Variants in P2RX7 observed in about 807,000 individuals in gnomAD.
P2RX7 encodes the protein purinergic receptor P2X 7, also known as P2X purinoceptor 7.
In P2RX7, 62 loss-of-function variants were observed where a neutral mutation model predicts 71.6. The ratio of observed to expected loss-of-function variants is 0.87; its 90% CI spans 0.71 to 1.07. P2RX7 has a LOEUF of 1.07. Among genes scored for constraint, P2RX7 ranks in the 50% least tolerant of loss-of-function variants. The pLI is 0.00. For synonymous variants in P2RX7, 299 were observed against 283.3 expected (o/e 1.06, Z -0.56); for missense variants, 686 against 748.5 (o/e 0.92, Z 0.97).
chr12:121,161,534 T>C (rs1338571800), intron 4 of P2RX7, among the ~76,000 whole-genome samples: 3 of 151,136 alleles, frequency 2.0e-5, no homozygotes, highest in Non-Finnish European at 4.4e-5. Context: ...GGCTGGTGCC[T>C]GTAATCCCAG....
chr12:121,162,889 G>A (rs1614313), intron 5 of P2RX7, among the ~76,000 whole-genome samples: 2,358 of 152,078 alleles, frequency 0.016, 24 homozygotes, highest in Non-Finnish European at 0.024. Context: ...TCAAGGATAG[G>A]AAGGAAGGAG....
intron 1 of P2RX7, among the ~76,000 whole-genome samples, chr12:121,153,930 G>T (rs1024727133): frequency 5.3e-5 from 8 of 151,960 alleles, no homozygotes; most frequent in Non-Finnish European, 2.9e-5. Context: ...GACCAGCCTG[G>T]GCAACATAAA....
At chr12:121,143,298 G>T (rs1390972823) in intron 1 of P2RX7, among the ~76,000 whole-genome samples, 4 of 152,010 alleles carry the variant, frequency 2.6e-5, no homozygotes, top group Admixed American at 6.6e-5. Context: ...GCAGGCCGAG[G>T]CAGGAGAATC....
chr12:121,170,683 A>G (rs1046928646), intron 8 of P2RX7, among the ~76,000 whole-genome samples: 3 of 152,160 alleles, frequency 2.0e-5, no homozygotes, highest in African/African-American at 7.2e-5. Context: ...TGAGGCAGGG[A>G]GAACTGCTTG....
intron 1 of P2RX7, among the ~76,000 whole-genome samples, chr12:121,141,390 G>A (rs931917715): frequency 1.4e-4 from 22 of 152,164 alleles, no homozygotes; most frequent in Non-Finnish European, 2.4e-4. Flanking sequence ...TCCCAGCCCC[G>A]CTGCATGGGT....
At chr12:121,145,106 C>A (rs897847860) in intron 1 of P2RX7, among the ~76,000 whole-genome samples, 7 of 152,150 alleles carry the variant, frequency 4.6e-5, no homozygotes, top group African/African-American at 1.7e-4. Flanking sequence ...GTGCAACCGA[C>A]CAGCAAGAGA....
At chr12:121,136,978 T>C (rs1592990133) in intron 1 of P2RX7, among the ~76,000 whole-genome samples, 1 of 152,176 alleles carries the variant, frequency 6.6e-6, no homozygotes, top group African/African-American at 2.4e-5. Flanking sequence ...TGTATAATAA[T>C]AAAATTTCTA....
At chr12:121,146,639 G>A (rs1185569532) in intron 1 of P2RX7, among the ~76,000 whole-genome samples, 2 of 152,168 alleles carry the variant, frequency 1.3e-5, no homozygotes, top group Non-Finnish European at 2.9e-5. Flanking sequence ...GCTGATAGAA[G>A]CATGAAATGG....
In P2RX7 at chr12:121,166,067, C is replaced by T. The variant is rs1880953270; in HGVS notation, c.624C>T (p.Ile208=). ...FPGHNYTTRN[I]LPGLNITCTF... ...TTTTAATTATGCACAGGAGAAACAT[C>T]CTGCCAGGTTTAAACATCACTTGTA... The change falls in exon 7 of 13, where the codon ATC becomes ATT. Residue 208 remains isoleucine (I), a synonymous_variant. Coordinates refer to ENST00000328963, the MANE Select transcript of P2RX7 (RefSeq NM_002562.6). The T allele has an allele frequency of 3.1e-6, 5 of 1,613,046 alleles. No homozygotes were observed. Among genetic ancestry groups the T allele is most frequent in the East Asian group, 2.2e-5 (1 of 44,870 alleles).
chr12:121,171,687 G>A (rs1882221319), intron 8 of P2RX7, among the ~76,000 whole-genome samples: 1 of 151,902 alleles, frequency 6.6e-6, no homozygotes, highest in South Asian at 2.1e-4. Context: ...TCTTGTTCAA[G>A]GCCCGATGTT....
At chr12:121,159,801 C>G (rs748943450) in intron 3 of P2RX7, among the ~76,000 whole-genome samples, 21 of 152,310 alleles carry the variant, frequency 1.4e-4, no homozygotes, top group Admixed American at 8.5e-4. Context: ...CAATGTCTCT[C>G]AGTTCCATGT....
chr12:121,137,345 A>G (rs1873919842), intron 1 of P2RX7, among the ~76,000 whole-genome samples: 1 of 152,168 alleles, frequency 6.6e-6, no homozygotes, highest in Non-Finnish European at 1.5e-5. Flanking sequence ...AAAAACAGCA[A>G]CTTGTTCTAG....
chr12:121,143,908 A>G (rs982169720), intron 1 of P2RX7, among the ~76,000 whole-genome samples: 6 of 152,168 alleles, frequency 3.9e-5, no homozygotes, highest in Admixed American at 3.9e-4. Flanking sequence ...ATATCAGAAA[A>G]TCACCGGTTT....
chr12:121,139,667 G>A (rs1357971468), intron 1 of P2RX7, among the ~76,000 whole-genome samples: 3 of 152,066 alleles, frequency 2.0e-5, no homozygotes, highest in Admixed American at 1.3e-4. Flanking sequence ...AGGCCGGGGA[G>A]GCCCCAGACG....
intron 1 of P2RX7, among the ~76,000 whole-genome samples, chr12:121,140,010 G>A (rs1874512264): frequency 6.6e-6 from 1 of 152,196 alleles, no homozygotes; most frequent in African/African-American, 2.4e-5. Context: ...GAGATTACAG[G>A]TGTGAGCCAC....
At chr12:121,177,037 C>A in intron 9 of P2RX7, 110 bp from the exon 10 acceptor site, 1 of 891,206 alleles carries the variant, frequency 1.1e-6, no homozygotes. Flanking sequence ...CGCATCTATC[C>A]AAGTCACAGC....
chr12:121,149,863 C>A lies in P2RX7; in HGVS notation c.126-4922C>A, dbSNP rs1037170885. Among the ~76,000 whole-genome samples the A allele has an allele frequency of 6.6e-6, 1 of 152,160 alleles. No individual in the cohort carries two copies. ...GCGAATATAGGTGCACACCACCACA[C>A]CCCCACAACTTACCCATCCTCCCCG... On this transcript the variant is annotated intron_variant, in intron 1 of 12. Transcript: ENST00000328963. This position sits in a 1 kb window ranked among gnomAD's most constrained non-coding sequence, Gnocchi z 4.7.
At chr12:121,136,671 G>C (rs1319240529) in intron 1 of P2RX7, among the ~76,000 whole-genome samples, 1 of 93,608 alleles carries the variant, frequency 1.1e-5, no homozygotes, top group African/African-American at 4.2e-5. Flanking sequence ...TTTTTGAGTT[G>C]AGTCTCACTC....
At chr12:121,182,972 T>C (rs796254089) in intron 12 of P2RX7, among the ~76,000 whole-genome samples, 2 of 152,090 alleles carry the variant, frequency 1.3e-5, no homozygotes, top group South Asian at 2.1e-4. Context: ...GATCAGGAGA[T>C]TGAGACCATC....
Sources: allele counts gnomAD v4.1 joint callset (sites outside exome capture counted in the v4.1 genomes callset), GRCh38; gene constraint gnomAD v4.1.1; non-coding constraint Gnocchi (gnomAD v3.1); transcripts MANE v1.5; gene names NCBI Gene and HGNC (gene_info 2026-07-23, HGNC 2026-07-21).